RTL4: variants seen among roughly 807,000 people sequenced by gnomAD.
RTL4 encodes retrotransposon Gag like 4, also known as retrotransposon Gag-like protein 4.
A neutral mutation model predicts 5.3 loss-of-function variants in RTL4; 4 were observed. That is an observed-to-expected ratio of 0.75 (90% confidence interval 0.37 to 1.72). The LOEUF is 1.72. Among genes scored for constraint, RTL4 ranks in the 40% most tolerant of loss-of-function variants. RTL4 has a pLI of 0.04. For missense variants in RTL4, 260 were observed against 227.1 expected (o/e 1.14, Z -0.93); for synonymous variants, 98 against 87.3 (o/e 1.12, Z -0.68).
At chrX:112,121,587 G>C in the RTL4 span, among the ~76,000 whole-genome samples, 1 of 111,516 alleles carries the variant, frequency 9.0e-6, no homozygotes, top group African/African-American at 3.3e-5. Context: ...TATTTTATGA[G>C]GTTAGTATGT....
chrX:112,214,346 C>T, the RTL4 span, among the ~76,000 whole-genome samples: 1 of 112,282 alleles, frequency 8.9e-6, no homozygotes, highest in Non-Finnish European at 1.9e-5. Flanking sequence ...GCAGGATCTC[C>T]TTCTTCTGTA....
the RTL4 span, among the ~76,000 whole-genome samples, chrX:112,198,488 A>C: frequency 1.8e-5 from 2 of 111,872 alleles, no homozygotes. Flanking sequence ...AGAGATCTTA[A>C]CCAGGCCGCA....
the RTL4 span, among the ~76,000 whole-genome samples, chrX:112,383,440 T>C: frequency 8.9e-6 from 1 of 112,392 alleles, no homozygotes; most frequent in Admixed American, 9.4e-5. Flanking sequence ...CCCTGAAAAT[T>C]GGATTTAAAA....
chrX:112,155,838 T>C, the RTL4 span, among the ~76,000 whole-genome samples: 2 of 111,667 alleles, frequency 1.8e-5, no homozygotes, highest in African/African-American at 6.5e-5. Flanking sequence ...CTTTACATTA[T>C]CACCAACAAT....
the RTL4 span, among the ~76,000 whole-genome samples, chrX:112,416,045 G>T: frequency 1.8e-5 from 2 of 111,871 alleles, no homozygotes; most frequent in Non-Finnish European, 3.8e-5. Flanking sequence ...GCTTCTAGTT[G>T]TTACTGGCAA....
the RTL4 span, among the ~76,000 whole-genome samples, chrX:112,340,771 CA>C: frequency 9.0e-6 from 1 of 110,829 alleles, no homozygotes; most frequent in Admixed American, 9.6e-5. Flanking sequence ...GGCTGGCGTG[CA>C]GTGGTGCGAT....
the RTL4 span, among the ~76,000 whole-genome samples, chrX:112,352,285 C>T: frequency 1.8e-5 from 2 of 110,675 alleles, no homozygotes; most frequent in East Asian, 5.7e-4. Context: ...ACCTTTCTCT[C>T]CATCAAGCTA....
At chrX:112,395,749 G>A in the RTL4 span, among the ~76,000 whole-genome samples, 1 of 111,259 alleles carries the variant, frequency 9.0e-6, no homozygotes, top group Non-Finnish European at 1.9e-5. Flanking sequence ...CAACTTTAGA[G>A]GGCAGAATTA....
At chrX:112,086,137 C>G in the RTL4 span, among the ~76,000 whole-genome samples, 1 of 111,977 alleles carries the variant, frequency 8.9e-6, no homozygotes, top group African/African-American at 3.2e-5. Flanking sequence ...CTATTTGTCC[C>G]CAAACAGTGG....
chrX:112,172,613 T>C, the RTL4 span, among the ~76,000 whole-genome samples: 2 of 110,637 alleles, frequency 1.8e-5, no homozygotes, highest in Non-Finnish European at 3.8e-5. Flanking sequence ...TCCTCAAAGA[T>C]CTAGAAGCAG....
At chrX:112,282,832 G>T in the RTL4 span, among the ~76,000 whole-genome samples, 2 of 111,503 alleles carry the variant, frequency 1.8e-5, no homozygotes, top group Non-Finnish European at 3.8e-5. Context: ...CTTTCTTAAT[G>T]GGAATAAGAA....
the RTL4 span, among the ~76,000 whole-genome samples, chrX:112,198,670 C>T: frequency 1.8e-5 from 2 of 111,316 alleles, no homozygotes; most frequent in African/African-American, 6.5e-5. Flanking sequence ...CCCTTCCAGT[C>T]ACCCATCCAT....
the RTL4 span, among the ~76,000 whole-genome samples, chrX:112,366,757 C>T: frequency 1.8e-5 from 2 of 111,918 alleles, no homozygotes; most frequent in Admixed American, 9.5e-5. Context: ...ACAATAAATA[C>T]CTGTAACTGT....
the RTL4 span, among the ~76,000 whole-genome samples, chrX:112,159,279 G>C: frequency 8.9e-6 from 1 of 112,102 alleles, no homozygotes; most frequent in Non-Finnish European, 1.9e-5. Flanking sequence ...GGCAGGAGTA[G>C]AGTCTTTTGC....
the RTL4 span, among the ~76,000 whole-genome samples, chrX:112,254,399 A>G: frequency 1.8e-5 from 2 of 108,906 alleles, no homozygotes; most frequent in African/African-American, 6.7e-5. Context: ...GTGCGACCTC[A>G]GCTCACTGCA....
the RTL4 span, among the ~76,000 whole-genome samples, chrX:112,258,124 T>A: frequency 9.1e-6 from 1 of 110,279 alleles, no homozygotes; most frequent in African/African-American, 3.3e-5. Context: ...TTTCCATAAG[T>A]TTAATTTTAT....
chrX:112,361,268 T>TTTATATGTGTATGTTTAC, the RTL4 span, among the ~76,000 whole-genome samples: 3 of 111,371 alleles, frequency 2.7e-5, no homozygotes, highest in African/African-American at 9.8e-5. Context: ...CACATATATA[T>TTTATATGTGTATGTTTAC]ATACAATTAG....
the RTL4 span, among the ~76,000 whole-genome samples, chrX:112,148,281 G>C: frequency 9.6e-6 from 1 of 103,973 alleles, no homozygotes; most frequent in Non-Finnish European, 1.9e-5. Context: ...GCAGAAATAC[G>C]TGTTCCTCTT....
chrX:112,212,990 A>T, the RTL4 span, among the ~76,000 whole-genome samples: 1 of 111,837 alleles, frequency 8.9e-6, no homozygotes, highest in Non-Finnish European at 1.9e-5. Flanking sequence ...CCTGGAGGAG[A>T]TATACTTGCG....
Sources: allele counts gnomAD v4.1 joint callset (sites outside exome capture counted in the v4.1 genomes callset), GRCh38; gene constraint gnomAD v4.1.1; transcripts MANE v1.5; gene names NCBI Gene and HGNC (gene_info 2026-07-23, HGNC 2026-07-21).